The following UQCRC2 variants were observed in gnomAD, a reference collection of about 807,000 sequenced individuals.
UQCRC2 encodes the protein ubiquinol-cytochrome c reductase core protein 2, also known as cytochrome b-c1 complex subunit 2, mitochondrial.
A neutral mutation model predicts 55.6 loss-of-function variants in UQCRC2; 49 were observed. That is an observed-to-expected ratio of 0.88 (90% CI 0.70 to 1.12). The LOEUF is 1.12. Ranked by LOEUF, UQCRC2 falls within the 50% of genes most tolerant of loss-of-function variation. The pLI, the probability that UQCRC2 is intolerant of heterozygous loss-of-function variation, is 0.00. For missense variants in UQCRC2, 506 were observed against 547.8 expected, an observed-to-expected ratio of 0.92 and a Z score of 0.76; for synonymous variants, 193 against 192.0, an observed-to-expected ratio of 1.01 and a Z score of -0.04.
chr16:21,966,087 A>C (rs1356555361), intron 7 of UQCRC2, among the ~76,000 whole-genome samples: 1 of 149,936 alleles, frequency 6.7e-6, no homozygotes, highest in African/African-American at 2.4e-5. Context: ...GCCAAGACAG[A>C]GGGATCACTT....
At chr16:21,979,828 C>T (rs1197936393) in intron 12 of UQCRC2, among the ~76,000 whole-genome samples, 1 of 152,122 alleles carries the variant, frequency 6.6e-6, no homozygotes, top group African/African-American at 2.4e-5. Flanking sequence ...CCCTAATAAT[C>T]TTAACGGGAC....
chr16:21,958,613 G>C lies in UQCRC2; in HGVS notation c.332+14G>C. 1 of 1,605,864 alleles carries C rather than the reference G, an allele frequency of 6.2e-7. No homozygotes were observed. Reference sequence around the variant, plus strand: ...TGGCAAATTAAGGTTTGTTAAATAAGTAATAGAAAATAGTGAAAATGCCAG... The same window carrying C: ...TGGCAAATTAAGGTTTGTTAAATAACTAATAGAAAATAGTGAAAATGCCAG... On this transcript the variant is annotated intron_variant, in intron 4 of 13. Coordinates refer to ENST00000268379, the MANE Select transcript of UQCRC2 (RefSeq NM_003366.4).
intron 12 of UQCRC2, among the ~76,000 whole-genome samples, chr16:21,978,674 C>T (rs1898643479): frequency 6.6e-6 from 1 of 152,178 alleles, no homozygotes; most frequent in African/African-American, 2.4e-5. Flanking sequence ...AGTATAATTT[C>T]GTACTGACAG....
rs377314432 is a variant in UQCRC2, at chr16:21,957,208, C to T, written c.34-27C>T. 2.3e-5 allele frequency: 37 copies of T among 1,606,508 alleles called. No homozygotes were observed. In the African/African-American group the frequency reaches 3.6e-4, roughly 16 times the overall value. On this transcript the variant is annotated intron_variant, in intron 1 of 13. Transcript: ENST00000268379. ...TAAAGCACTGTTCTTGTGAGAAATA[C>T]GTGTAACCTGTGTTTTTTATGTTTA...
intron 12 of UQCRC2, among the ~76,000 whole-genome samples, chr16:21,978,552 C>A (rs1898640128): frequency 1.3e-5 from 2 of 152,160 alleles, no homozygotes; most frequent in South Asian, 4.1e-4. Context: ...TGCTCACAGA[C>A]AAATCTCAGC....
chr16:21,962,213 G>A, intron 4 of UQCRC2: 1 of 491,436 alleles, frequency 2.0e-6, no homozygotes, highest in Non-Finnish European at 3.7e-6. Context: ...TTAGCATAAT[G>A]TCCTCAGGGT....
rs1022011651 is a variant in UQCRC2 at position 21,957,699 on chromosome 16, G to A, written c.267+133G>A. ...ATAACAAATTACCACGGACTGGGTA[G>A]CTTAAACCAAATAAGTTTATCCTGT... is the stretch of plus-strand genomic sequence containing the variant. On this transcript the variant is annotated intron_variant, in intron 3 of 13. Coordinates refer to ENST00000268379, the MANE Select transcript of UQCRC2 (RefSeq NM_003366.4). 3.2e-5 allele frequency: 42 copies of A among 1,302,980 alleles called. No homozygotes were observed. In the Admixed American group the frequency reaches 4.4e-4, roughly 14 times the overall value. 80.7% of individuals were successfully genotyped at this position (1,302,980 alleles called of 1,614,324 possible). A position where few individuals can be genotyped will look rare whatever the true frequency, so the allele number is the denominator to read the frequency against.
At chr16:21,972,649 C>T (rs1268009979) in intron 10 of UQCRC2, among the ~76,000 whole-genome samples, 20 of 152,126 alleles carry the variant, frequency 1.3e-4, no homozygotes, top group African/African-American at 4.6e-4. Context: ...CCGAGGTGGG[C>T]GGATCACTGG....
rs543763530 is a variant in UQCRC2, at chr16:21,983,360, C to G, written c.*189C>G. ...ACATTCTGTTTAAGTGTTTTTCTTA[C>G]GTTTTTCTCAATGAGTTAATCAACA... is the stretch of plus-strand genomic sequence containing the variant. On this transcript the variant is annotated 3_prime_UTR_variant, in exon 14 of 14. Coordinates refer to ENST00000268379, the MANE Select transcript of UQCRC2 (RefSeq NM_003366.4). 8.9e-5 allele frequency: 47 copies of G among 530,032 alleles called. No homozygotes were observed. Among genetic ancestry groups the G allele is most frequent in the Non-Finnish European group, 1.4e-4 (43 of 306,104 alleles). The allele number at this position is 530,032 out of a possible 1,614,324, so 32.8% of individuals were successfully genotyped here.
At chr16:21,962,311 G>T in intron 4 of UQCRC2, 149 bp from the exon 5 acceptor site, 1 of 883,716 alleles carries the variant, frequency 1.1e-6, no homozygotes, top group East Asian at 2.6e-5. Flanking sequence ...AATTTTAGTT[G>T]GTTAATATGT....
chr16:21,978,327 T>C (rs1475678337), intron 12 of UQCRC2, among the ~76,000 whole-genome samples: 1 of 152,214 alleles, frequency 6.6e-6, no homozygotes, highest in Non-Finnish European at 1.5e-5. Context: ...TAAATGGAAG[T>C]CTTTCTGTAG....
rs373451853 is a variant in UQCRC2 at position 21,962,515 on chromosome 16, G to A, written c.388G>A (p.Val130Ile). ...AYTVECLRGD[V>I]DILMEFLLNV... Reference sequence around the variant, plus strand: ...TACTGTGGAATGCCTGCGGGGTGATGTGTAAGTACCTGTGTGTGTTTAGGA... The same window carrying A: ...TACTGTGGAATGCCTGCGGGGTGATATGTAAGTACCTGTGTGTGTTTAGGA... The change falls in exon 5 of 14, where the codon GTT (valine) becomes ATT (isoleucine). Residue 130 changes from valine (V) to isoleucine (I), a missense_variant and splice_region_variant. Transcript: ENST00000268379. The A allele has an allele frequency of 5.0e-6, 8 of 1,614,196 alleles. No homozygotes were observed. Among genetic ancestry groups the A allele is most frequent in the East Asian group, 2.2e-5 (1 of 44,888 alleles).
intron 7 of UQCRC2, among the ~76,000 whole-genome samples, chr16:21,967,925 A>T (rs1898366111): frequency 6.6e-6 from 1 of 152,126 alleles, no homozygotes; most frequent in African/African-American, 2.4e-5. Context: ...CATACTACGT[A>T]AGCTACATTA....
chr16:21,973,715 A>G (rs1898516645), intron 10 of UQCRC2, among the ~76,000 whole-genome samples, 181 bp from the exon 11 acceptor site: 2 of 152,252 alleles, frequency 1.3e-5, no homozygotes, highest in Non-Finnish European at 2.9e-5. Flanking sequence ...AAGCCGTGAT[A>G]GTTCTGAAAG....
chr16:21,962,641 C>A, intron 5 of UQCRC2, 120 bp from the exon 6 acceptor site: 1 of 1,589,034 alleles, frequency 6.3e-7, no homozygotes, highest in South Asian at 1.1e-5. Context: ...ATAAACTGCT[C>A]AAAAACACTG....
Position 21,983,516 on chromosome 16 carries a change from T to G in UQCRC2, c.*345T>G. On this transcript the variant is annotated 3_prime_UTR_variant, in exon 14 of 14. Coordinates refer to ENST00000268379, the MANE Select transcript of UQCRC2 (RefSeq NM_003366.4). ...GGCTATCGGGGTAAATAGTGCCAGA[T>G]TACTATTGGTGGCGTTTAAGATGAA... The G allele has an allele frequency of 3.1e-6, 1 of 317,722 alleles. No individual in the cohort carries two copies. The highest frequency in any genetic ancestry group is 5.7e-6 in the Non-Finnish European group (1 of 176,222). The allele number at this position is 317,722 out of a possible 1,614,324, so 19.7% of individuals were successfully genotyped here.
In UQCRC2 at chr16:21,980,700, T is replaced by C. The variant is rs767261117; in HGVS notation, c.1278T>C (p.Asn426=). 6.2e-7 allele frequency: 1 copy of C among 1,610,950 alleles called. No individual in the cohort carries two copies. Among genetic ancestry groups the C allele is most frequent in the African/African-American group, 1.3e-5 (1 of 74,728 alleles). Residue 426 remains asparagine, a splice_region_variant and synonymous_variant, in exon 13 of 14, where the codon AAT becomes AAC. Transcript: ENST00000268379. ...CAGTGGCTAATGCTGATATCATAAA[T>C]GTAAGTAAATGAAAACTTAACGATT... ...IDSVANADII[N]AAKKFVSGQK... is the part of the protein sequence containing the mutation.
chr16:21,961,838 G>A (rs1332709489), intron 4 of UQCRC2, among the ~76,000 whole-genome samples: 2 of 150,960 alleles, frequency 1.3e-5, no homozygotes, highest in Non-Finnish European at 3.0e-5. Context: ...TTTCAGTAGA[G>A]ACCATGGTTT....
intron 6 of UQCRC2, among the ~76,000 whole-genome samples, chr16:21,965,165 T>A (rs1261870974): frequency 1.3e-5 from 2 of 152,186 alleles, no homozygotes; most frequent in Non-Finnish European, 2.9e-5. Context: ...AGAAAAGTGG[T>A]TTAGGTGGAC....
Sources: allele counts gnomAD v4.1 joint callset (sites outside exome capture counted in the v4.1 genomes callset), GRCh38; gene constraint gnomAD v4.1.1; transcripts MANE v1.5; gene names NCBI Gene and HGNC (gene_info 2026-07-23, HGNC 2026-07-21).